The following CAPSL variants were observed in gnomAD, a reference collection of about 807,000 sequenced individuals.
The protein encoded by CAPSL is calcyphosin-like protein.
In CAPSL, 17 loss-of-function variants were observed where a neutral mutation model predicts 21.3. That is an observed-to-expected ratio of 0.80 (90% CI 0.55 to 1.20). The LOEUF is 1.20. CAPSL is among the 50% of genes most tolerant of loss of function. CAPSL has a pLI of 0.00. For synonymous variants in CAPSL, 102 were observed against 89.3 expected (o/e 1.14, Z -0.80); for missense variants, 289 against 259.3 (o/e 1.11, Z -0.79).
At chr5:35,938,648 C>G (rs922273773), upstream of CAPSL, 1 of 153,088 alleles carries the variant, frequency 6.5e-6, no homozygotes, top group African/African-American at 2.4e-5. Flanking sequence ...CCTCCTCCCT[C>G]TTACCTGTCT....
At position 35,906,740 on chromosome 5, in the gene CAPSL, G is replaced by A. The variant is rs560528185; in HGVS notation, c.526-2094C>T. 2.6e-4 allele frequency among the ~76,000 whole-genome samples: 40 copies of A among 152,238 alleles called. No homozygotes were observed. The East Asian group carries it at 5.6e-3, about 21-fold the overall frequency. On this transcript the variant is annotated intron_variant, in intron 4 of 4. Coordinates refer to ENST00000651391, the MANE Select transcript of CAPSL (RefSeq NM_001042625.2). ...CCAATACATGATTGAGACTGGTATC[G>A]TCACCCATCCTTCCATCCCAAACTC...
chr5:35,910,385 T>A lies in CAPSL; in HGVS notation c.296A>T (p.Glu99Val), dbSNP rs746325313. Residue 99 changes from glutamate to valine, a missense_variant, in exon 3 of 5, where the codon GAA becomes GTA. Physicochemically the swap from Glu to Val is moderately radical, Grantham distance 121. Coordinates refer to ENST00000651391, the MANE Select transcript of CAPSL (RefSeq NM_001042625.2). ...KDGNGTIDFN[E>V]FLLTLRPPMS... is the part of the protein sequence containing the mutation. ...ACTTACTCTTAATGTGAGAAGAAAT[T>A]CATTGAAGTCTATTGTTCCATTTCC... 1.2e-6 allele frequency: 2 copies of A among 1,613,376 alleles called. No individual in the cohort carries two copies. Among genetic ancestry groups the A allele is most frequent in the Non-Finnish European group, 8.5e-7 (1 of 1,179,786 alleles).
intron 2 of CAPSL, among the ~76,000 whole-genome samples, chr5:35,917,896 G>T (rs576196218): frequency 2.0e-5 from 3 of 151,844 alleles, no homozygotes; most frequent in Admixed American, 1.3e-4. Flanking sequence ...AAAGCTTATC[G>T]TCATTAGAGA....
At chr5:35,931,519 A>T (rs1369583094) in intron 1 of CAPSL, among the ~76,000 whole-genome samples, 1 of 151,446 alleles carries the variant, frequency 6.6e-6, no homozygotes, top group Non-Finnish European at 1.5e-5. Flanking sequence ...TCCACTGGGA[A>T]TGTCAGGGGG....
chr5:35,910,174 A>G (rs1738177806), intron 3 of CAPSL, 99 bp from the exon 4 acceptor site: 1 of 1,184,034 alleles, frequency 8.4e-7, no homozygotes, highest in East Asian at 2.4e-5. Context: ...AACGATGTGA[A>G]ATAATATTTG....
At chr5:35,925,015 G>A (rs966286329) in intron 1 of CAPSL, among the ~76,000 whole-genome samples, 2 of 152,236 alleles carry the variant, frequency 1.3e-5, no homozygotes, top group Admixed American at 6.5e-5. Flanking sequence ...GATCCGGTGT[G>A]GTGACAACGG....
intron 1 of CAPSL, among the ~76,000 whole-genome samples, chr5:35,929,687 A>G (rs1738772927): frequency 6.6e-6 from 1 of 152,220 alleles, no homozygotes; most frequent in South Asian, 2.1e-4. Context: ...CCATGAAGTA[A>G]GAGATGCAGG....
chr5:35,912,569 C>T (rs960585490), intron 2 of CAPSL, among the ~76,000 whole-genome samples: 2 of 152,180 alleles, frequency 1.3e-5, no homozygotes, highest in Admixed American at 6.5e-5. Context: ...TGCTGTTCTG[C>T]AGCCTCCACT....
At chr5:35,912,345 C>T (rs141510291) in intron 2 of CAPSL, among the ~76,000 whole-genome samples, 201 of 152,306 alleles carry the variant, frequency 1.3e-3, no homozygotes, top group African/African-American at 4.7e-3. Flanking sequence ...CCCTGTCTGA[C>T]AACTTTGAAG....
At chr5:35,937,537 G>A (rs1409275320) in intron 1 of CAPSL, among the ~76,000 whole-genome samples, 1 of 152,160 alleles carries the variant, frequency 6.6e-6, no homozygotes, top group Admixed American at 6.5e-5. Context: ...ATGTGGTGAA[G>A]TCCAAATAGC....
chr5:35,927,113 G>T (rs1164937542), intron 1 of CAPSL, among the ~76,000 whole-genome samples: 1 of 152,180 alleles, frequency 6.6e-6, no homozygotes, highest in African/African-American at 2.4e-5. Flanking sequence ...GTGCAGTCGC[G>T]ATGGCTGGAC....
Position 35,904,533 on chromosome 5 carries a change from C to A in CAPSL, c.*12G>T. On this transcript the variant is annotated 3_prime_UTR_variant, in exon 5 of 5. Coordinates refer to ENST00000651391, the MANE Select transcript of CAPSL (RefSeq NM_001042625.2). ...CATGGCTGTCCCAGGGCCTGGTCCC[C>A]AGGTCATGTGCTTAAAGCTTCCAGG... 1 of 1,601,986 alleles carries A rather than the reference C, an allele frequency of 6.2e-7. No individual in the cohort carries two copies. The highest frequency in any genetic ancestry group is 8.5e-7 in the Non-Finnish European group (1 of 1,169,924).
In CAPSL at chr5:35,909,666, T is replaced by C. The variant is rs146645556; in HGVS notation, c.525+200A>G. 6.9e-3 allele frequency among the ~76,000 whole-genome samples: 1,046 copies of C among 152,316 alleles called. 13 individuals carry two copies. Among genetic ancestry groups the C allele is most frequent in the African/African-American group, 0.023 (937 of 41,580 alleles). On this transcript the variant is annotated intron_variant, in intron 4 of 4. Coordinates refer to ENST00000651391, the MANE Select transcript of CAPSL (RefSeq NM_001042625.2). ...CTATGAGTGTGTGCGTGCACAAACATACATTAGGTTTCAACTAAAGTAACA... is the reference window on the plus strand; with the variant it reads ...CTATGAGTGTGTGCGTGCACAAACACACATTAGGTTTCAACTAAAGTAACA...
At chr5:35,928,524 C>A (rs1012368544) in intron 1 of CAPSL, among the ~76,000 whole-genome samples, 6 of 152,150 alleles carry the variant, frequency 3.9e-5, no homozygotes, top group Non-Finnish European at 7.4e-5. Context: ...TTTGAATCAA[C>A]TGAATGTGCC....
chr5:35,909,994 T>C lies in CAPSL; in HGVS notation c.397A>G (p.Ile133Val). The C allele has an allele frequency of 1.2e-6, 2 of 1,613,934 alleles. No homozygotes were observed. The highest frequency in any genetic ancestry group is 1.7e-6 in the Non-Finnish European group (2 of 1,179,914). ...LDKTGDGVIT[I>V]EDLREVYNAK... The stretch of plus-strand genomic sequence containing the variant: ...TTATATACTTCACGAAGGTCTTCGA[T>C]TGTTATAACACCATCTCCAGTCTTG... Residue 133 changes from isoleucine (I) to valine (V), a missense_variant, in exon 4 of 5, where the codon ATC becomes GTC. Physicochemically the swap from Ile to Val is conservative, Grantham distance 29 (BLOSUM62 3). Transcript: ENST00000651391.
intron 2 of CAPSL, among the ~76,000 whole-genome samples, chr5:35,920,053 C>T (rs1282629256): frequency 6.6e-6 from 1 of 152,144 alleles, no homozygotes; most frequent in African/African-American, 2.4e-5. Context: ...GGCAGCCTGG[C>T]CACCAGGGTC....
chr5:35,926,220 A>C (rs1311269968), intron 1 of CAPSL, among the ~76,000 whole-genome samples: 1 of 152,182 alleles, frequency 6.6e-6, no homozygotes, highest in Non-Finnish European at 1.5e-5. Context: ...CGGAGAGAGA[A>C]GAAGAGATAG....
chr5:35,917,132 C>T (rs1159827944), intron 2 of CAPSL, among the ~76,000 whole-genome samples: 2 of 152,108 alleles, frequency 1.3e-5, no homozygotes, highest in Non-Finnish European at 2.9e-5. Context: ...TCATCACTGG[C>T]CATCAGAGAA....
intron 4 of CAPSL, among the ~76,000 whole-genome samples, chr5:35,909,535 G>A (rs1373919582): frequency 6.6e-6 from 1 of 152,120 alleles, no homozygotes; most frequent in Non-Finnish European, 1.5e-5. Context: ...GCTGAGTATG[G>A]TAAATATAGT....
Sources: gnomAD v4.1 joint callset for allele counts (sites outside exome capture counted in the v4.1 genomes callset) on GRCh38, gnomAD v4.1.1 for gene constraint, MANE v1.5 for transcripts, NCBI Gene and HGNC (gene_info 2026-07-23, HGNC 2026-07-21) for gene names.